The following CUBN variants were observed in gnomAD, a reference collection of about 807,000 sequenced individuals.
The protein encoded by CUBN is 460 kDa receptor.
Under a neutral mutation model 405.3 loss-of-function variants are expected in CUBN, and 282 were observed. The ratio of observed to expected loss-of-function variants is 0.70; its 90% CI spans 0.63 to 0.77. The LOEUF (loss-of-function observed/expected upper bound fraction) is 0.77, where lower values mean the gene tolerates loss of function less well. Ranked by LOEUF, CUBN falls within the 30% of genes least tolerant of loss-of-function variation. CUBN has a pLI of 0.00. For synonymous variants in CUBN, 1,684 were observed against 1,617.0 expected (o/e 1.04, Z -0.99); for missense variants, 4,514 against 4,475.2 (o/e 1.01, Z -0.25).
At position 16,990,367 on chromosome 10, in the gene CUBN, C is replaced by T; in HGVS notation, c.4317G>A (p.Glu1439=). ...IQLTIHDFDV[E]YHSRCNFDVL... ...CATCAAAGTTGCACCTTGAATGATA[C>T]TCCACATCGAAGTCATGGATGGTGA... Residue 1439 remains glutamate, a synonymous_variant, in exon 29 of 67, where the codon GAG becomes GAA. Coordinates refer to ENST00000377833, the MANE Select transcript of CUBN (RefSeq NM_001081.4). The T allele has an allele frequency of 6.2e-7, 1 of 1,614,214 alleles. No homozygotes were observed. The highest frequency in any genetic ancestry group is 8.5e-7 in the Non-Finnish European group (1 of 1,180,034).
chr10:16,937,223 A>G (rs1842533700), intron 39 of CUBN, among the ~76,000 whole-genome samples: 1 of 152,206 alleles, frequency 6.6e-6, no homozygotes, highest in Non-Finnish European at 1.5e-5. Flanking sequence ...GAGGAAAAAT[A>G]GTTACTTTTA....
chr10:17,045,673 A>G (rs1188380755), intron 24 of CUBN, among the ~76,000 whole-genome samples: 2 of 152,134 alleles, frequency 1.3e-5, no homozygotes, highest in East Asian at 3.8e-4. Context: ...GGAGTGAGCC[A>G]CAGCACCCAG....
At chr10:16,934,840 G>A (rs955487881) in intron 39 of CUBN, among the ~76,000 whole-genome samples, 6 of 152,192 alleles carry the variant, frequency 3.9e-5, no homozygotes, top group African/African-American at 1.2e-4. Flanking sequence ...CCTGAGTTAG[G>A]AAGTGATGGA....
chr10:16,976,444 C>T (rs1044271217), intron 31 of CUBN, among the ~76,000 whole-genome samples: 1 of 152,006 alleles, frequency 6.6e-6, no homozygotes, highest in Admixed American at 6.5e-5. Flanking sequence ...GCAATCTGTT[C>T]CCCACCTACC....
At chr10:16,852,361 C>T (rs1421917246) in intron 59 of CUBN, among the ~76,000 whole-genome samples, 1 of 145,344 alleles carries the variant, frequency 6.9e-6, no homozygotes, top group Non-Finnish European at 1.5e-5. Flanking sequence ...CTTTCCCTCC[C>T]TCCCTCTATC....
At chr10:16,964,974 TC>T (rs1471161498) in intron 31 of CUBN, among the ~76,000 whole-genome samples, 1 of 152,198 alleles carries the variant, frequency 6.6e-6, no homozygotes, top group Admixed American at 6.5e-5. Flanking sequence ...CCTCTTCCTG[TC>T]CCTCTCATTT....
chr10:17,029,895 G>T (rs1834753090), intron 27 of CUBN, among the ~76,000 whole-genome samples: 1 of 152,176 alleles, frequency 6.6e-6, no homozygotes, highest in Non-Finnish European at 1.5e-5. Flanking sequence ...CAACACAGTG[G>T]GGCCAATTGA....
At chr10:17,127,789 G>T in intron 3 of CUBN, 40 bp downstream of exon 3, 1 of 1,433,276 alleles carries the variant, frequency 7.0e-7, no homozygotes, top group South Asian at 1.2e-5. Context: ...TAGAACTAGG[G>T]AGAACTCATC....
At chr10:16,990,065 C>T (rs931382071) in intron 29 of CUBN, among the ~76,000 whole-genome samples, 2 of 152,232 alleles carry the variant, frequency 1.3e-5, no homozygotes, top group Non-Finnish European at 2.9e-5. Flanking sequence ...CCCCCTCCTC[C>T]TTTCCTTCAC....
In CUBN at chr10:16,907,511, C is replaced by A; in HGVS notation, c.7702G>T (p.Ala2568Ser). 3.7e-6 allele frequency: 6 copies of A among 1,614,128 alleles called. No homozygotes were observed. The highest frequency in any genetic ancestry group is 5.1e-6 in the Non-Finnish European group (6 of 1,180,000). Residue 2568 changes from alanine to serine, a missense_variant, in exon 49 of 67, where the codon GCA becomes TCA. Transcript: ENST00000377833. The stretch of plus-strand genomic sequence containing the variant: ...CATTTACAACATCCTACATTACCTG[C>A]ATCTTCACTGGAGGTATAGGAAGCA... ...FTASYTSSEDAVCGGSLPNTP... is the reference protein window; with the variant it reads ...FTASYTSSEDSVCGGSLPNTP...
intron 27 of CUBN, among the ~76,000 whole-genome samples, chr10:17,033,018 G>A (rs1012711547): frequency 6.6e-6 from 1 of 152,152 alleles, no homozygotes; most frequent in African/African-American, 2.4e-5. Flanking sequence ...TTGGCCTATA[G>A]CAATCCCCTT....
chr10:16,911,128 T>C (rs1229432651), intron 48 of CUBN, among the ~76,000 whole-genome samples: 1 of 152,152 alleles, frequency 6.6e-6, no homozygotes, highest in East Asian at 1.9e-4. Context: ...CTACAGAAGG[T>C]AGAGATGCAC....
intron 22 of CUBN, among the ~76,000 whole-genome samples, chr10:17,053,659 G>A (rs1027568427): frequency 6.6e-6 from 1 of 151,970 alleles, no homozygotes; most frequent in Non-Finnish European, 1.5e-5. Flanking sequence ...CTCAGTAACC[G>A]AAAATGAAAC....
At chr10:16,938,891 T>G in intron 38 of CUBN, 72 bp downstream of exon 38, 1 of 1,353,988 alleles carries the variant, frequency 7.4e-7, no homozygotes. Context: ...TGAATAGACG[T>G]TACCTTGGAT....
At chr10:16,933,344 C>T in intron 39 of CUBN, 60 bp from the exon 40 acceptor site, 1 of 1,503,598 alleles carries the variant, frequency 6.7e-7, no homozygotes, top group Non-Finnish European at 9.2e-7. Flanking sequence ...CTAGCTAGCA[C>T]TTTTTCACTT....
At chr10:16,958,656 TAAAG>T (rs369626294) in intron 31 of CUBN, among the ~76,000 whole-genome samples, 55 of 152,282 alleles carry the variant, frequency 3.6e-4, no homozygotes, top group African/African-American at 1.3e-3. Context: ...TCTATAAAAA[TAAAG>T]ACAGGGAGGC....
chr10:16,850,047 C>T (rs1839639723), intron 60 of CUBN, among the ~76,000 whole-genome samples: 1 of 152,252 alleles, frequency 6.6e-6, no homozygotes, highest in Non-Finnish European at 1.5e-5. Flanking sequence ...ATGCACGTAT[C>T]AATTCCTATG....
intron 14 of CUBN, among the ~76,000 whole-genome samples, chr10:17,097,968 C>T (rs1210871608): frequency 6.6e-6 from 1 of 152,044 alleles, no homozygotes; most frequent in Non-Finnish European, 1.5e-5. Flanking sequence ...TAAGTTAACC[C>T]ATTGAGTATG....
Position 16,930,976 on chromosome 10 carries a change from G to A in CUBN, c.6124+2111C>T, listed in dbSNP as rs559950197. Among the ~76,000 whole-genome samples, 6 of 152,196 alleles carry A rather than the reference G, an allele frequency of 3.9e-5. No individual in the cohort carries two copies. The South Asian group carries it at 1.0e-3, about 26-fold the overall frequency. On this transcript the variant is annotated intron_variant, in intron 40 of 66. Transcript: ENST00000377833. The stretch of plus-strand genomic sequence containing the variant: ...AGTGGGATTTAAAATTTAGTCATAG[G>A]CCAGGTGTGGTGGCTCACACCTGTA...
Sources: allele counts gnomAD v4.1 joint callset (sites outside exome capture counted in the v4.1 genomes callset), GRCh38; gene constraint gnomAD v4.1.1; transcripts MANE v1.5; gene names NCBI Gene and HGNC (gene_info 2026-07-23, HGNC 2026-07-21).